DACH2: variants seen among roughly 807,000 people sequenced by gnomAD.
The protein encoded by DACH2 is dachshund family transcription factor 2.
Under a neutral mutation model 35.8 loss-of-function variants are expected in DACH2, and 17 were observed. The observed-to-expected ratio is 0.48, with a 90% confidence interval of 0.33 to 0.71. The LOEUF is 0.71. Ranked by LOEUF, DACH2 falls within the 30% of genes least tolerant of loss-of-function variation. DACH2 has a pLI of 0.02. For missense variants in DACH2, 469 were observed against 472.7 expected (o/e 0.99, Z 0.07); for synonymous variants, 195 against 177.3 (o/e 1.10, Z -0.79).
intron 7 of DACH2, among the ~76,000 whole-genome samples, chrX:86,772,773 C>T (rs1199504407): frequency 9.0e-6 from 1 of 111,421 alleles, no homozygotes; most frequent in East Asian, 2.8e-4. Context: ...TCCATAGACA[C>T]ACAGTGTGAA....
intron 4 of DACH2, among the ~76,000 whole-genome samples, chrX:86,657,104 G>C (rs2040552241): frequency 9.3e-6 from 1 of 107,362 alleles, no homozygotes; most frequent in Admixed American, 1.0e-4. Context: ...GGGGGGTGAG[G>C]TGAGGAGGTG....
chrX:86,248,695 T>C (rs1250108949), intron 1 of DACH2, among the ~76,000 whole-genome samples: 1 of 110,760 alleles, frequency 9.0e-6, no homozygotes, highest in Non-Finnish European at 1.9e-5. Flanking sequence ...AAAAAATTGT[T>C]CCAGAATTCA....
Position 86,644,119 on chromosome X carries a change from A to G in DACH2, c.641-6917A>G, listed in dbSNP as rs979685935. 7.2e-5 allele frequency among the ~76,000 whole-genome samples: 8 copies of G among 111,332 alleles called. No individual in the cohort carries two copies. In the East Asian group the frequency reaches 2.0e-3, roughly 28 times the overall value. On this transcript the variant is annotated intron_variant, in intron 3 of 11. Transcript: ENST00000373125. ...AGTATTGGAAGTCCTAGCCAGAGCAATCAGGCAAAGGAAAGAAAAAAGGGC... is the reference window on the plus strand; with the variant it reads ...AGTATTGGAAGTCCTAGCCAGAGCAGTCAGGCAAAGGAAAGAAAAAAGGGC...
intron 2 of DACH2, among the ~76,000 whole-genome samples, chrX:86,465,018 GAC>G (rs1416647111): frequency 3.7e-4 from 42 of 112,111 alleles, no homozygotes; most frequent in Middle Eastern, 4.7e-3. Flanking sequence ...GCTTTTCCAT[GAC>G]AGTGTTTTTT....
chrX:86,148,647 C>T lies in DACH2; in HGVS notation c.27C>T (p.Ile9=). 8.5e-7 allele frequency: 1 copy of T among 1,182,626 alleles called. No individual in the cohort carries two copies. Among genetic ancestry groups the T allele is most frequent in the Admixed American group, 2.4e-5 (1 of 41,895 alleles). MAVSASPV[I]SATSSGAGVP... ...TGGCTGTCTCCGCATCTCCAGTGAT[C>T]TCTGCAACTTCCAGCGGCGCCGGCG... The change falls in exon 1 of 12, where the codon ATC becomes ATT. Residue 9 remains isoleucine, a synonymous_variant. Transcript: ENST00000373125.
chrX:86,567,258 A>T (rs1004907175), intron 3 of DACH2, among the ~76,000 whole-genome samples: 3 of 111,931 alleles, frequency 2.7e-5, no homozygotes, highest in African/African-American at 9.7e-5. Flanking sequence ...ATTTATTGTC[A>T]TGATTATCTT....
chrX:86,297,955 T>C (rs764446238), intron 1 of DACH2, among the ~76,000 whole-genome samples: 32 of 111,868 alleles, frequency 2.9e-4, no homozygotes, highest in Non-Finnish European at 5.1e-4. Flanking sequence ...GAATGACATA[T>C]AAAACTTGAC....
chrX:86,742,651 C>T (rs1168739398), intron 7 of DACH2: 4 of 283,519 alleles, frequency 1.4e-5, no homozygotes, highest in Non-Finnish European at 2.7e-5. Flanking sequence ...AGTTATGATG[C>T]CCAACAATAG....
At chrX:86,624,890 C>T (rs1283081394) in intron 3 of DACH2, among the ~76,000 whole-genome samples, 1 of 111,012 alleles carries the variant, frequency 9.0e-6, no homozygotes, top group Non-Finnish European at 1.9e-5. Context: ...TCCTCATCTA[C>T]CTCCCAGCTG....
chrX:86,272,224 G>GTGTA (rs2033827256), intron 1 of DACH2, among the ~76,000 whole-genome samples: 1 of 110,457 alleles, frequency 9.1e-6, no homozygotes, highest in Non-Finnish European at 1.9e-5. Flanking sequence ...GTGTGTGTGT[G>GTGTA]TGTATATCAC....
chrX:86,469,842 TTGTGTGTGTG>T (rs59130472), intron 2 of DACH2, among the ~76,000 whole-genome samples: 1 of 103,003 alleles, frequency 9.7e-6, no homozygotes, highest in Non-Finnish European at 2.0e-5. Context: ...CTGTGTGTGT[TTGTGTGTGTG>T]TGTGTGTGTG....
At chrX:86,402,247 C>A (rs1484621495) in intron 2 of DACH2, among the ~76,000 whole-genome samples, 1 of 111,930 alleles carries the variant, frequency 8.9e-6, no homozygotes, top group Non-Finnish European at 1.9e-5. Context: ...ATCAAACTAT[C>A]TCCCTTCACT....
At chrX:86,323,506 A>T (rs551104637) in intron 1 of DACH2, among the ~76,000 whole-genome samples, 3 of 111,331 alleles carry the variant, frequency 2.7e-5, no homozygotes, top group African/African-American at 9.8e-5. Flanking sequence ...GGCTGTAAAA[A>T]CTCTTGTAGC....
chrX:86,346,937 C>A (rs1038759210), intron 1 of DACH2, among the ~76,000 whole-genome samples: 1 of 111,522 alleles, frequency 9.0e-6, no homozygotes, highest in Non-Finnish European at 1.9e-5. Flanking sequence ...ATTTTATGCT[C>A]TAAAAGTTTA....
At chrX:86,233,241 TAGGCTTAGTACCTG>T (rs2032987342) in intron 1 of DACH2, among the ~76,000 whole-genome samples, 1 of 111,244 alleles carries the variant, frequency 9.0e-6, no homozygotes, top group East Asian at 2.8e-4. Context: ...TAATGGATAC[TAGGCTTAGTACCTG>T]AGTCATGAAA....
chrX:86,423,135 G>A (rs745660585), intron 2 of DACH2, among the ~76,000 whole-genome samples: 1 of 111,547 alleles, frequency 9.0e-6, no homozygotes, highest in Admixed American at 9.5e-5. Context: ...AAACACAGGA[G>A]TGCAAATATC....
chrX:86,295,995 A>C (rs1194652779), intron 1 of DACH2, among the ~76,000 whole-genome samples: 2 of 111,169 alleles, frequency 1.8e-5, no homozygotes, highest in Non-Finnish European at 3.8e-5. Flanking sequence ...GGTGAAACCT[A>C]TTCTGCCATC....
At chrX:86,780,553 A>G (rs1296178123) in intron 7 of DACH2, among the ~76,000 whole-genome samples, 1 of 112,350 alleles carries the variant, frequency 8.9e-6, no homozygotes, top group Non-Finnish European at 1.9e-5. Context: ...TACATTTAAC[A>G]ACATTAAATG....
chrX:86,292,770 A>T (rs963485591), intron 1 of DACH2, among the ~76,000 whole-genome samples: 7 of 111,852 alleles, frequency 6.3e-5, no homozygotes, highest in African/African-American at 2.3e-4. Flanking sequence ...TTCTAGTTTG[A>T]TTGCACTGTA....
Sources: allele counts gnomAD v4.1 joint callset (sites outside exome capture counted in the v4.1 genomes callset), GRCh38; gene constraint gnomAD v4.1.1; transcripts MANE v1.5; gene names NCBI Gene and HGNC (gene_info 2026-07-23, HGNC 2026-07-21).